Variants in COL24A1 observed in about 807,000 individuals in gnomAD.
The protein encoded by COL24A1 is collagen type XXIV alpha 1 chain.
In COL24A1, 224 loss-of-function variants were observed where a neutral mutation model predicts 253.9. That is an observed-to-expected ratio of 0.88 (90% confidence interval 0.79 to 0.99). The LOEUF is 0.99. Ranked by LOEUF, COL24A1 falls within the 50% of genes least tolerant of loss-of-function variation. COL24A1 has a pLI of 0.00. For synonymous variants in COL24A1, 685 were observed against 673.7 expected (o/e 1.02, Z -0.26); for missense variants, 2,131 against 2,068.5 (o/e 1.03, Z -0.59).
chr1:85,924,525 T>A (rs538967518), intron 24 of COL24A1, among the ~76,000 whole-genome samples: 2 of 152,182 alleles, frequency 1.3e-5, no homozygotes, highest in African/African-American at 4.8e-5. Context: ...CATACACAAA[T>A]CAATAAACAT....
chr1:85,787,871 C>T (rs1669848161), intron 47 of COL24A1, among the ~76,000 whole-genome samples: 1 of 152,152 alleles, frequency 6.6e-6, no homozygotes, highest in African/African-American at 2.4e-5. Context: ...GTTCCTATTT[C>T]TCTGCAGCCC....
intron 5 of COL24A1, among the ~76,000 whole-genome samples, chr1:86,101,443 G>A (rs1317892999): frequency 6.6e-6 from 1 of 152,164 alleles, no homozygotes; most frequent in Admixed American, 6.5e-5. Context: ...AGTGGTGAGA[G>A]AGGGCATACT....
At chr1:85,820,761 C>A (rs575321279) in intron 45 of COL24A1, among the ~76,000 whole-genome samples, 1 of 152,236 alleles carries the variant, frequency 6.6e-6, no homozygotes, top group South Asian at 2.1e-4. Context: ...TTTGCCTGGC[C>A]AGCACTGAAA....
At chr1:85,875,396 C>G (rs1380126537) in intron 33 of COL24A1, 66 bp from the exon 34 acceptor site, 5 of 1,316,518 alleles carry the variant, frequency 3.8e-6, no homozygotes, top group African/African-American at 1.4e-5. Flanking sequence ...GGTGGTAACA[C>G]TGAACTCAAG....
intron 33 of COL24A1, 58 bp from the exon 34 acceptor site, chr1:85,875,388 TGGTAACACTGAACTCA>T: frequency 7.3e-7 from 1 of 1,378,904 alleles, no homozygotes; most frequent in Non-Finnish European, 1.0e-6. Context: ...GAGAAGATGG[TGGTAACACTGAACTCA>T]AGGGTGAGAT....
At chr1:86,092,046 G>C (rs1191930446) in intron 6 of COL24A1, among the ~76,000 whole-genome samples, 2 of 152,032 alleles carry the variant, frequency 1.3e-5, no homozygotes, top group Non-Finnish European at 2.9e-5. Context: ...GGCCACAGTA[G>C]ACCTTTAATA....
chr1:85,800,676 C>T (rs1367846423), intron 47 of COL24A1, among the ~76,000 whole-genome samples: 1 of 152,174 alleles, frequency 6.6e-6, no homozygotes, highest in Admixed American at 6.5e-5. Context: ...ACTGATGCAA[C>T]CGTCATCCCT....
intron 39 of COL24A1, among the ~76,000 whole-genome samples, chr1:85,843,900 T>C (rs1338069058): frequency 1.3e-5 from 2 of 151,980 alleles, no homozygotes; most frequent in Admixed American, 6.6e-5. Flanking sequence ...AAAATGAACC[T>C]TAATGTACCT....
chr1:86,144,621 A>G (rs1651623823), intron 2 of COL24A1, among the ~76,000 whole-genome samples: 1 of 152,140 alleles, frequency 6.6e-6, no homozygotes, highest in Non-Finnish European at 1.5e-5. Flanking sequence ...TTAATTAATA[A>G]TTGTATTCTT....
chr1:85,879,359 C>T (rs1681565030), intron 32 of COL24A1, among the ~76,000 whole-genome samples: 1 of 151,850 alleles, frequency 6.6e-6, no homozygotes, highest in South Asian at 2.1e-4. Flanking sequence ...AAAAGACTAT[C>T]CATTGTATTG....
At chr1:85,840,636 T>C (rs1676504200) in intron 42 of COL24A1, among the ~76,000 whole-genome samples, 2 of 152,266 alleles carry the variant, frequency 1.3e-5, no homozygotes, top group Admixed American at 6.5e-5. Flanking sequence ...TCTTTAGACA[T>C]TGTTTTAGTC....
rs1697631052 is a variant in COL24A1, at chr1:86,022,419, A to G, written c.2202+119T>C. 4 of 1,352,864 alleles carry G rather than the reference A, an allele frequency of 3.0e-6. No homozygotes were observed. The Admixed American group carries it at 5.7e-5, about 19-fold the overall frequency. 83.8% of individuals were successfully genotyped at this position (1,352,864 alleles called of 1,614,324 possible). A position where few individuals can be genotyped will look rare whatever the true frequency, so the allele number is the denominator to read the frequency against. On this transcript the variant is annotated intron_variant, in intron 17 of 59. Coordinates refer to ENST00000370571, the MANE Select transcript of COL24A1 (RefSeq NM_152890.7). ...TATTGAGACAAAAGTTTCAAACAAG[A>G]ACTTAAAACCATATTGATACCACAT...
chr1:85,870,215 C>T (rs1040968828), intron 35 of COL24A1, among the ~76,000 whole-genome samples: 2 of 152,158 alleles, frequency 1.3e-5, no homozygotes, highest in Admixed American at 1.3e-4. Flanking sequence ...CAGAGACCTA[C>T]AAAGAGACTT....
intron 24 of COL24A1, among the ~76,000 whole-genome samples, chr1:85,957,269 G>A (rs777337639): frequency 1.3e-5 from 2 of 152,068 alleles, no homozygotes; most frequent in African/African-American, 4.8e-5. Flanking sequence ...ATGACGGGTT[G>A]ATGGGTGCAG....
Position 86,124,846 on chromosome 1 carries a change from G to A in COL24A1, c.1490C>T (p.Pro497Leu). The A allele has an allele frequency of 6.5e-7, 1 of 1,529,428 alleles. No homozygotes were observed. Among genetic ancestry groups the A allele is most frequent in the Non-Finnish European group, 8.7e-7 (1 of 1,148,734 alleles). 94.7% of individuals were successfully genotyped at this position (1,529,428 alleles called of 1,614,324 possible). ...LRGPKGDTGPPGPPGPAGIPG... is the reference protein window; with the variant it reads ...LRGPKGDTGPLGPPGPAGIPG... ...GATATTAAAAAAAAAAAAACTTACG[G>A]GAGGTCCAGTGTCTCCTTTTGGCCC... Residue 497 changes from proline to leucine, a missense_variant and splice_region_variant, in exon 3 of 60, where the codon CCC becomes CTC. By Grantham distance (98) the Pro-to-Leu change is moderately conservative. Coordinates refer to ENST00000370571, the MANE Select transcript of COL24A1 (RefSeq NM_152890.7).
At chr1:86,139,987 A>C (rs1202240022) in intron 2 of COL24A1, among the ~76,000 whole-genome samples, 1 of 152,234 alleles carries the variant, frequency 6.6e-6, no homozygotes, top group Non-Finnish European at 1.5e-5. Context: ...TAAGGAACTA[A>C]AGGAAACTGT....
In COL24A1 at chr1:86,121,710, A is replaced by G. The variant is rs189842451; in HGVS notation, c.1491+3135T>C. Reference sequence around the variant, plus strand: ...GCAATCATGATGACACGGTTGTAGAAAAGATAATAAATACCATTCATCATC... The same window carrying G: ...GCAATCATGATGACACGGTTGTAGAGAAGATAATAAATACCATTCATCATC... On this transcript the variant is annotated intron_variant, in intron 3 of 59. Transcript: ENST00000370571. Among the ~76,000 whole-genome samples, 71 of 152,276 alleles carry G rather than the reference A, an allele frequency of 4.7e-4. No homozygotes were observed. In the East Asian group the frequency reaches 8.5e-3, roughly 18 times the overall value.
intron 55 of COL24A1, among the ~76,000 whole-genome samples, chr1:85,755,574 C>A (rs558906404): frequency 6.6e-6 from 1 of 152,046 alleles, no homozygotes; most frequent in African/African-American, 2.4e-5. Flanking sequence ...TAAACCTTCT[C>A]ATTTATGATC....
At chr1:86,000,184 T>A (rs1055942443) in intron 19 of COL24A1, among the ~76,000 whole-genome samples, 1 of 152,168 alleles carries the variant, frequency 6.6e-6, no homozygotes, top group Non-Finnish European at 1.5e-5. Context: ...CCATCTTCTC[T>A]ATGAACCCTT....
Sources: allele counts gnomAD v4.1 joint callset (sites outside exome capture counted in the v4.1 genomes callset), GRCh38; gene constraint gnomAD v4.1.1; transcripts MANE v1.5; gene names NCBI Gene and HGNC (gene_info 2026-07-23, HGNC 2026-07-21).